The following PAK3 variants were observed in gnomAD, a reference collection of about 807,000 sequenced individuals.
PAK3 encodes the protein p21 (RAC1) activated kinase 3, also known as serine/threonine-protein kinase PAK 3.
In PAK3, 4 loss-of-function variants were observed where a neutral mutation model predicts 41.0. The observed-to-expected ratio is 0.10, with a 90% confidence interval of 0.05 to 0.22. PAK3 has a LOEUF of 0.22. Ranked by LOEUF, PAK3 falls within the 10% of genes least tolerant of loss-of-function variation. PAK3 has a pLI of 1.00. For missense variants in PAK3, 205 were observed against 409.9 expected, an observed-to-expected ratio of 0.50 and a Z score of 4.32; for synonymous variants, 146 against 139.6, an observed-to-expected ratio of 1.05 and a Z score of -0.32.
At chrX:111,164,584 G>C (rs896939200) in intron 10 of PAK3, among the ~76,000 whole-genome samples, 9 of 111,385 alleles carry the variant, frequency 8.1e-5, no homozygotes, top group African/African-American at 2.6e-4. Context: ...TTACTAGACT[G>C]TGAGATTCTC....
intron 10 of PAK3, among the ~76,000 whole-genome samples, chrX:111,170,945 G>A (rs759102797): frequency 1.8e-5 from 2 of 111,123 alleles, no homozygotes; most frequent in East Asian, 5.7e-4. Context: ...ATCCTGCAGT[G>A]GGCAGGAGCT....
At chrX:111,199,903 C>T (rs2094660633) in intron 16 of PAK3, among the ~76,000 whole-genome samples, 1 of 111,902 alleles carries the variant, frequency 8.9e-6, no homozygotes, top group African/African-American at 3.2e-5. Flanking sequence ...AATGCTTACT[C>T]AGTGCAGAAG....
At chrX:111,173,167 G>A in intron 11 of PAK3, 86 bp downstream of exon 11, 2 of 527,883 alleles carry the variant, frequency 3.8e-6, no homozygotes, top group South Asian at 5.3e-5. Flanking sequence ...TGGGTTTCTG[G>A]TAAATTATGC....
chrX:111,162,992 A>G lies in PAK3; in HGVS notation c.546A>G (p.Glu182=). 8.3e-7 allele frequency: 1 copy of G among 1,203,802 alleles called. No homozygotes were observed. The highest frequency in any genetic ancestry group is 1.1e-6 in the Non-Finnish European group (1 of 888,291). The change falls in exon 9 of 18, where the codon GAA becomes GAG. Residue 182 remains glutamate, a synonymous_variant. Transcript: ENST00000372007. The stretch of plus-strand genomic sequence containing the variant: ...AAGATGAAGAGGAAGAAGAAGAAGA[A>G]GATGAAAATGAGCCACCACCAGTTA... The part of the protein sequence containing the change: ...EEEDEEEEEE[E]DENEPPPVIA...
chrX:110,976,199 C>G (rs966109450), intron 1 of PAK3, among the ~76,000 whole-genome samples: 1 of 111,937 alleles, frequency 8.9e-6, no homozygotes, highest in Non-Finnish European at 1.9e-5. Context: ...AAAATTTTTG[C>G]AATCTACCCA....
intron 6 of PAK3, chrX:111,146,497 T>C: frequency 9.3e-7 from 1 of 1,072,516 alleles, no homozygotes; most frequent in Non-Finnish European, 1.3e-6. Flanking sequence ...CTTTCTTTTC[T>C]TTCTTTATTT....
intron 4 of PAK3, among the ~76,000 whole-genome samples, chrX:111,121,998 T>C (rs2093578918): frequency 9.0e-6 from 1 of 110,788 alleles, no homozygotes; most frequent in Admixed American, 9.6e-5. Context: ...CTCATGCCTG[T>C]AATCCCAGCA....
intron 1 of PAK3, among the ~76,000 whole-genome samples, chrX:111,019,886 CCA>C (rs998229414): frequency 9.1e-6 from 1 of 109,819 alleles, no homozygotes; most frequent in Non-Finnish European, 1.9e-5. Flanking sequence ...ATTTTACAAA[CCA>C]CACACACACA....
At chrX:111,006,849 C>CTTTCTTTCTTTCTTTCTTTCTTTCTTTCA (rs1556434441) in intron 1 of PAK3, among the ~76,000 whole-genome samples, 1 of 42,726 alleles carries the variant, frequency 2.3e-5, no homozygotes. Flanking sequence ...TTCTTTCTTT[C>CTTTCTTTCTTTCTTTCTTTCTTTCTTTCA]TTTTTTTTTT....
chrX:111,167,722 C>T (rs768941965), intron 10 of PAK3, among the ~76,000 whole-genome samples: 68 of 16,738 alleles, frequency 4.1e-3, no homozygotes, highest in African/African-American at 0.014. Flanking sequence ...CGGGGCCTGT[C>T]GGGGAGTAGG....
chrX:110,958,844 T>C (rs186287826), intron 1 of PAK3, among the ~76,000 whole-genome samples: 1 of 111,824 alleles, frequency 8.9e-6, no homozygotes, highest in Non-Finnish European at 1.9e-5. Context: ...ATATGATGTA[T>C]TAAATGCTGT....
At chrX:111,156,593 A>C (rs1168845458) in intron 8 of PAK3, among the ~76,000 whole-genome samples, 1 of 112,119 alleles carries the variant, frequency 8.9e-6, no homozygotes, top group East Asian at 2.8e-4. Context: ...CTGGCTGTCT[A>C]CAAAATCTGA....
chrX:111,030,437 G>A (rs1168580141), intron 1 of PAK3, among the ~76,000 whole-genome samples: 1 of 111,798 alleles, frequency 8.9e-6, no homozygotes, highest in Non-Finnish European at 1.9e-5. Flanking sequence ...TTCCATATTT[G>A]CCACCAGAAT....
chrX:110,985,130 C>G lies in PAK3; in HGVS notation c.-28+40502C>G, dbSNP rs750723454. Among the ~76,000 whole-genome samples, 5 of 112,010 alleles carry G rather than the reference C, an allele frequency of 4.5e-5. No homozygotes were observed. In the East Asian group the frequency reaches 1.4e-3, roughly 32 times the overall value. ...AACACTTGAGTATGTTGATTCTTTG[C>G]TTAAAGCCTTCCATTTATATTTTAA... is the stretch of plus-strand genomic sequence containing the variant. On this transcript the variant is annotated intron_variant, in intron 1 of 14. Transcript: ENST00000425146.
intron 1 of PAK3, among the ~76,000 whole-genome samples, chrX:111,030,319 G>T (rs1378634383): frequency 2.7e-5 from 3 of 110,857 alleles, no homozygotes; most frequent in Non-Finnish European, 5.7e-5. Context: ...GTTGATGTAT[G>T]AGAATTATTG....
chrX:111,147,079 G>A (rs1173333404), intron 6 of PAK3, among the ~76,000 whole-genome samples: 1 of 110,815 alleles, frequency 9.0e-6, no homozygotes, highest in Non-Finnish European at 1.9e-5. Flanking sequence ...GAGAAGGAGG[G>A]CATGCCCTGG....
chrX:111,178,980 T>TATATAGAGAGAGAGAGAGAGAG (rs1211051270), intron 11 of PAK3, among the ~76,000 whole-genome samples: 3 of 91,613 alleles, frequency 3.3e-5, no homozygotes, highest in African/African-American at 1.2e-4. Context: ...TATATATATA[T>TATATAGAGAGAGAGAGAGAGAG]AGAGAGAGAG....
At chrX:111,203,963 T>C (rs936985449) in intron 16 of PAK3, among the ~76,000 whole-genome samples, 4 of 111,914 alleles carry the variant, frequency 3.6e-5, no homozygotes, top group Non-Finnish European at 5.6e-5. Flanking sequence ...GCAAGGTTTA[T>C]TGATGGTTTG....
chrX:111,125,867 G>T (rs759395162), intron 5 of PAK3, among the ~76,000 whole-genome samples: 2 of 111,569 alleles, frequency 1.8e-5, no homozygotes, highest in East Asian at 5.7e-4. Context: ...ACTCTTACTG[G>T]ACAGCTAATA....
Sources: allele counts gnomAD v4.1 joint callset (sites outside exome capture counted in the v4.1 genomes callset), GRCh38; gene constraint gnomAD v4.1.1; transcripts MANE v1.5; gene names NCBI Gene and HGNC (gene_info 2026-07-23, HGNC 2026-07-21).